Variants in B3GALT1 observed in about 807,000 individuals in gnomAD.
B3GALT1 encodes the protein beta-1,3-galactosyltransferase 1.
A neutral mutation model predicts 23.2 loss-of-function variants in B3GALT1; 10 were observed. The ratio of observed to expected loss-of-function variants is 0.43; its 90% CI spans 0.27 to 0.73. The LOEUF (loss-of-function observed/expected upper bound fraction) is 0.73, where lower values mean the gene tolerates loss of function less well. Among genes scored for constraint, B3GALT1 ranks in the 30% least tolerant of loss-of-function variants. The pLI, the probability that B3GALT1 is intolerant of heterozygous loss-of-function variation, is 0.21. For synonymous variants in B3GALT1, 156 were observed against 141.5 expected, an observed-to-expected ratio of 1.10 and a Z score of -0.73; for missense variants, 299 against 405.4, an observed-to-expected ratio of 0.74 and a Z score of 2.25.
At chr2:167,557,764 G>A (rs10176700) in intron 2 of B3GALT1, among the ~76,000 whole-genome samples, 1 of 152,170 alleles carries the variant, frequency 6.6e-6, no homozygotes, top group Non-Finnish European at 1.5e-5. Context: ...GTACTTTTCT[G>A]TTCCACGTAA....
chr2:167,415,844 T>C (rs1307633956), intron 1 of B3GALT1, among the ~76,000 whole-genome samples: 6 of 152,126 alleles, frequency 3.9e-5, no homozygotes, highest in African/African-American at 1.4e-4. Flanking sequence ...GCTTTATGGA[T>C]TGTAGAATTT....
Position 167,343,736 on chromosome 2 carries a change from T to A in B3GALT1, c.-511+50402T>A, listed in dbSNP as rs549162641. ...AAATATAGGAGGAAGAAAAAAGATA[T>A]AGATTATGAGCTTGTGATTACCATT... is the stretch of plus-strand genomic sequence containing the variant. On this transcript the variant is annotated intron_variant, in intron 1 of 4. Transcript: ENST00000392690. Among the ~76,000 whole-genome samples the A allele has an allele frequency of 2.0e-5, 3 of 152,280 alleles. No homozygotes were observed. In the South Asian group the frequency reaches 6.2e-4, roughly 32 times the overall value.
At chr2:167,578,191 A>G (rs142408821) in intron 2 of B3GALT1, among the ~76,000 whole-genome samples, 1 of 152,096 alleles carries the variant, frequency 6.6e-6, no homozygotes, top group African/African-American at 2.4e-5. Flanking sequence ...GAGTTCTGGA[A>G]AGGGCCATTC....
chr2:167,826,399 C>T (rs1689226255), intron 4 of B3GALT1, among the ~76,000 whole-genome samples: 1 of 152,188 alleles, frequency 6.6e-6, no homozygotes, highest in South Asian at 2.1e-4. Context: ...AGCAACTGAA[C>T]CAGAGCTGAG....
At chr2:167,748,061 A>T (rs1429838879) in intron 3 of B3GALT1, among the ~76,000 whole-genome samples, 7 of 152,180 alleles carry the variant, frequency 4.6e-5, no homozygotes, top group African/African-American at 1.7e-4. Context: ...AAGAATAAGA[A>T]ATACAAAAAA....
chr2:167,487,498 T>C (rs1699644951), intron 1 of B3GALT1, among the ~76,000 whole-genome samples: 1 of 152,156 alleles, frequency 6.6e-6, no homozygotes. Flanking sequence ...GGCTTAAAAA[T>C]CCAATAACTC....
intron 1 of B3GALT1, among the ~76,000 whole-genome samples, chr2:167,358,928 A>C (rs1237716820): frequency 6.6e-6 from 1 of 152,046 alleles, no homozygotes; most frequent in Non-Finnish European, 1.5e-5. Context: ...TCGCCTCCCA[A>C]GTAGCTGGGA....
intron 2 of B3GALT1, among the ~76,000 whole-genome samples, chr2:167,620,599 C>T (rs1284866498): frequency 6.6e-6 from 1 of 151,996 alleles, no homozygotes; most frequent in East Asian, 1.9e-4. Flanking sequence ...CAAAATGTGC[C>T]CAAAACTTGT....
intron 1 of B3GALT1, among the ~76,000 whole-genome samples, chr2:167,462,475 CTTT>C (rs1473095006): frequency 1.3e-5 from 2 of 152,160 alleles, no homozygotes; most frequent in African/African-American, 4.8e-5. Context: ...ACATAAGCTT[CTTT>C]ATTATAAGAA....
intron 1 of B3GALT1, among the ~76,000 whole-genome samples, chr2:167,402,653 T>C (rs1209251706): frequency 6.6e-6 from 1 of 151,996 alleles, no homozygotes; most frequent in Non-Finnish European, 1.5e-5. Flanking sequence ...GCATAGGGAG[T>C]TAAATAACTC....
intron 2 of B3GALT1, among the ~76,000 whole-genome samples, chr2:167,528,235 TG>T (rs1683255336): frequency 6.6e-6 from 1 of 152,304 alleles, no homozygotes; most frequent in Admixed American, 6.5e-5. Context: ...TCAAGCATCC[TG>T]GGCTGGCCTC....
At chr2:167,754,428 C>G (rs761161616) in intron 3 of B3GALT1, among the ~76,000 whole-genome samples, 5 of 152,168 alleles carry the variant, frequency 3.3e-5, no homozygotes, top group Admixed American at 6.5e-5. Flanking sequence ...GAGGGCCTAG[C>G]AATCTGCCTT....
chr2:167,399,095 T>C (rs528015485), intron 1 of B3GALT1, among the ~76,000 whole-genome samples: 16 of 152,300 alleles, frequency 1.1e-4, no homozygotes, highest in African/African-American at 2.6e-4. Context: ...GGGCAGCTTC[T>C]CATTTAATTG....
chr2:167,601,403 G>A (rs1481599482), intron 2 of B3GALT1, among the ~76,000 whole-genome samples: 1 of 152,108 alleles, frequency 6.6e-6, no homozygotes, highest in African/African-American at 2.4e-5. Flanking sequence ...TTCCCTCTTT[G>A]CCTCAATTCT....
intron 3 of B3GALT1, among the ~76,000 whole-genome samples, chr2:167,739,936 A>G (rs1687553150): frequency 1.8e-5 from 1 of 54,332 alleles, no homozygotes; most frequent in South Asian, 5.4e-4. Flanking sequence ...ACAAAAAAAC[A>G]AACAAAAAAA....
At chr2:167,346,759 T>G (rs1182487071) in intron 1 of B3GALT1, among the ~76,000 whole-genome samples, 7 of 149,340 alleles carry the variant, frequency 4.7e-5, no homozygotes, top group African/African-American at 1.5e-4. Context: ...GGGGGGGTGG[T>G]GCGTGTGTGT....
Position 167,715,496 on chromosome 2 carries a change from G to C in B3GALT1, c.-352+68530G>C, listed in dbSNP as rs1415916766. On this transcript the variant is annotated intron_variant, in intron 3 of 4. Transcript: ENST00000392690. ...TGGAAGAATCTTGCAGATGATTTTG[G>C]CTTCAGCTATTTGTGATTTGAGGGA... 7 of 1,610,038 alleles carry C rather than the reference G, an allele frequency of 4.3e-6. No individual in the cohort carries two copies. In the Admixed American group the frequency reaches 6.7e-5, roughly 15 times the overall value.
At chr2:167,405,661 T>C (rs1435814366) in intron 1 of B3GALT1, among the ~76,000 whole-genome samples, 3 of 152,160 alleles carry the variant, frequency 2.0e-5, no homozygotes, top group Non-Finnish European at 2.9e-5. Context: ...AGCTATGGAA[T>C]GAATTACTCA....
chr2:167,594,113 A>T (rs1684733493), intron 2 of B3GALT1, among the ~76,000 whole-genome samples: 1 of 152,210 alleles, frequency 6.6e-6, no homozygotes, highest in Non-Finnish European at 1.5e-5. Context: ...TCAACATGAC[A>T]AGAGGATTGG....
Sources: gnomAD v4.1 joint callset for allele counts (sites outside exome capture counted in the v4.1 genomes callset) on GRCh38, gnomAD v4.1.1 for gene constraint, MANE v1.5 for transcripts, NCBI Gene and HGNC (gene_info 2026-07-23, HGNC 2026-07-21) for gene names.